UBE2H: variants seen among roughly 807,000 people sequenced by gnomAD.
UBE2H encodes ubiquitin-conjugating enzyme E2 H.
In UBE2H, 3 loss-of-function variants were observed where a neutral mutation model predicts 29.0. The ratio of observed to expected loss-of-function variants is 0.10; its 90% confidence interval spans 0.05 to 0.27. The LOEUF (loss-of-function observed/expected upper bound fraction) is 0.27. Ranked by LOEUF, UBE2H falls within the 10% of genes least tolerant of loss-of-function variation. The probability of loss-of-function intolerance (pLI) is 1.00; values close to 1 mark genes in which losing one functional copy is unlikely to be tolerated. For missense variants in UBE2H, 68 were observed against 228.2 expected, an observed-to-expected ratio of 0.30 and a Z score of 4.52; for synonymous variants, 69 against 82.9, an observed-to-expected ratio of 0.83 and a Z score of 0.91.
chr7:129,915,487 T>C (rs1317312194), intron 1 of UBE2H, among the ~76,000 whole-genome samples: 2 of 152,138 alleles, frequency 1.3e-5, no homozygotes, highest in African/African-American at 2.4e-5. Context: ...TGAGCCGAGA[T>C]TGCGCCACTG....
chr7:129,912,052 G>C (rs1019571063), intron 1 of UBE2H, among the ~76,000 whole-genome samples: 3 of 152,144 alleles, frequency 2.0e-5, no homozygotes, highest in African/African-American at 7.2e-5. Flanking sequence ...CAGGACCAAG[G>C]TAGGCCTTTA....
chr7:129,859,008 G>A (rs1336929595), intron 3 of UBE2H, 67 bp from the exon 4 acceptor site: 1 of 1,324,046 alleles, frequency 7.6e-7, no homozygotes, highest in Non-Finnish European at 1.1e-6. Flanking sequence ...TTCAGTACTG[G>A]AAACAATTTC....
chr7:129,850,235 T>G (rs55748031), intron 5 of UBE2H, among the ~76,000 whole-genome samples: 9,169 of 152,042 alleles, frequency 0.06, 358 homozygotes, highest in Non-Finnish European at 0.091. Context: ...GATGTGGTGG[T>G]GCATGCCTGT....
intron 1 of UBE2H, among the ~76,000 whole-genome samples, chr7:129,928,508 C>G (rs543733160): frequency 1.3e-5 from 2 of 152,172 alleles, no homozygotes; most frequent in South Asian, 2.1e-4. Flanking sequence ...AAGCCTGAGG[C>G]AGAAGAATTG....
At position 129,832,804 on chromosome 7, in the gene UBE2H, C is replaced by A. The variant is rs868678410; in HGVS notation, c.*2133G>T. 6.6e-6 allele frequency: 1 copy of A among 151,986 alleles called. No individual in the cohort carries two copies. Among genetic ancestry groups the A allele is most frequent in the South Asian group, 2.1e-4 (1 of 4,822 alleles). The allele number at this position is 151,986 out of a possible 1,614,324, so 9.4% of individuals were successfully genotyped here. On this transcript the variant is annotated 3_prime_UTR_variant, in exon 7 of 7. Transcript: ENST00000355621. ...TTGTTTATACAATATTGAAAAAATA[C>A]AATTTTTTATTGTTTGAACTCAAAT... is the stretch of plus-strand genomic sequence containing the variant.
At chr7:129,908,214 A>C (rs1279233454) in intron 1 of UBE2H, among the ~76,000 whole-genome samples, 2 of 152,214 alleles carry the variant, frequency 1.3e-5, no homozygotes, top group Non-Finnish European at 1.5e-5. Flanking sequence ...GTTATCAAAA[A>C]AGTGTTAAGA....
At chr7:129,934,081 C>G (rs183776108) in intron 1 of UBE2H, among the ~76,000 whole-genome samples, 2 of 152,170 alleles carry the variant, frequency 1.3e-5, no homozygotes, top group Admixed American at 1.3e-4. Context: ...CAGCACTTTG[C>G]GAGGCCAAGG....
chr7:129,943,754 T>C (rs1015260292), intron 1 of UBE2H, among the ~76,000 whole-genome samples: 32 of 151,864 alleles, frequency 2.1e-4, no homozygotes, highest in African/African-American at 7.7e-4. Context: ...ATACAAAAAT[T>C]AGCTGGGTGT....
chr7:129,948,044 C>T (rs1479814098), intron 1 of UBE2H, among the ~76,000 whole-genome samples: 1 of 152,124 alleles, frequency 6.6e-6, no homozygotes, highest in African/African-American at 2.4e-5. Context: ...AGTACAAGTA[C>T]ATACGGGGTT....
chr7:129,929,272 G>A (rs905989853), intron 1 of UBE2H, among the ~76,000 whole-genome samples: 13 of 150,084 alleles, frequency 8.7e-5, no homozygotes, highest in African/African-American at 3.2e-4. Flanking sequence ...AGCCAAGATC[G>A]TGCCATTGCA....
rs56362841 is a variant in UBE2H, at chr7:129,854,060, GTTTTTTTTTT to G, written c.298+3441_298+3450del. 8.0e-5 allele frequency among the ~76,000 whole-genome samples: 8 copies of G among 100,282 alleles called. No individual in the cohort carries two copies. The East Asian group carries it at 2.2e-3, about 27-fold the overall frequency. 65.8% of individuals were successfully genotyped at this position (100,282 alleles called of 152,430 possible). The stretch of plus-strand genomic sequence containing the variant: ...TTCTCCTATTAGTTATTTAGTGTTA[GTTTTTTTTTT>G]TTTTTTTTTTTTGGCGGGGCAGGGG... On this transcript the variant is annotated intron_variant, in intron 5 of 6. Coordinates refer to ENST00000355621, the MANE Select transcript of UBE2H (RefSeq NM_003344.4).
chr7:129,900,751 C>CTTTTTT (rs71704122), intron 1 of UBE2H, among the ~76,000 whole-genome samples: 1 of 133,836 alleles, frequency 7.5e-6, no homozygotes, highest in Non-Finnish European at 1.6e-5. Context: ...TTTCTTTTTC[C>CTTTTTT]TTTTTTTTTT....
intron 4 of UBE2H, among the ~76,000 whole-genome samples, chr7:129,858,401 T>G (rs1257674368): frequency 6.6e-6 from 1 of 152,126 alleles, no homozygotes; most frequent in East Asian, 1.9e-4. Context: ...AATAATATAT[T>G]CTAAACAGCA....
At chr7:129,921,685 ACTCTGT>A (rs1408557294) in intron 1 of UBE2H, among the ~76,000 whole-genome samples, 1 of 125,504 alleles carries the variant, frequency 8.0e-6, no homozygotes, top group African/African-American at 3.1e-5. Flanking sequence ...GCAACAAGAG[ACTCTGT>A]CACAAAAAAA....
At chr7:129,920,657 A>G (rs1367335837) in intron 1 of UBE2H, among the ~76,000 whole-genome samples, 1 of 152,154 alleles carries the variant, frequency 6.6e-6, no homozygotes, top group African/African-American at 2.4e-5. Flanking sequence ...AAGCGGAATC[A>G]GGAAAGACAT....
intron 5 of UBE2H, among the ~76,000 whole-genome samples, chr7:129,841,038 A>C (rs1418153522): frequency 1.3e-5 from 2 of 152,238 alleles, no homozygotes; most frequent in Non-Finnish European, 2.9e-5. Context: ...CACAATGCAC[A>C]GGACAGCCCC....
At chr7:129,869,595 G>C (rs1176761879) in intron 3 of UBE2H, among the ~76,000 whole-genome samples, 1 of 152,128 alleles carries the variant, frequency 6.6e-6, no homozygotes, top group African/African-American at 2.4e-5. Context: ...TGCCCATCTA[G>C]CAAAGCTACC....
chr7:129,875,513 A>AT (rs1203094905), intron 3 of UBE2H, among the ~76,000 whole-genome samples: 5 of 152,226 alleles, frequency 3.3e-5, no homozygotes, highest in Non-Finnish European at 4.4e-5. Flanking sequence ...AAATAAAATT[A>AT]TTTGAAGGAT....
intron 5 of UBE2H, among the ~76,000 whole-genome samples, chr7:129,852,682 T>A (rs1805633201): frequency 6.6e-6 from 1 of 152,116 alleles, no homozygotes; most frequent in Admixed American, 6.5e-5. Flanking sequence ...ACTGCCCAAT[T>A]TCATAAGAAA....
Sources: allele counts gnomAD v4.1 joint callset (sites outside exome capture counted in the v4.1 genomes callset), GRCh38; gene constraint gnomAD v4.1.1; transcripts MANE v1.5; gene names NCBI Gene and HGNC (gene_info 2026-07-23, HGNC 2026-07-21).